Variants in TMEM14A observed in about 807,000 individuals in gnomAD.
The protein encoded by TMEM14A is transmembrane protein 14A.
TMEM14A carries 8 observed loss-of-function variants against 11.6 expected under a neutral mutation model. That is an observed-to-expected ratio of 0.69 (90% CI 0.40 to 1.24). The LOEUF is 1.24. Among genes scored for constraint, TMEM14A ranks in the 50% most tolerant of loss-of-function variants. The pLI, the probability that TMEM14A is intolerant of heterozygous loss-of-function variation, is 0.01. For missense variants in TMEM14A, 108 were observed against 121.9 expected, an observed-to-expected ratio of 0.89 and a Z score of 0.54; for synonymous variants, 34 against 45.5, an observed-to-expected ratio of 0.75 and a Z score of 1.02.
At chr6:52,683,232 G>A (rs936242625) in intron 3 of TMEM14A, among the ~76,000 whole-genome samples, 12 of 152,088 alleles carry the variant, frequency 7.9e-5, no homozygotes, top group Non-Finnish European at 1.2e-4. Flanking sequence ...GGCTGAGGCC[G>A]GTGGATCACT....
At chr6:52,677,374 T>G (rs1243932608) in intron 2 of TMEM14A, among the ~76,000 whole-genome samples, 1 of 152,192 alleles carries the variant, frequency 6.6e-6, no homozygotes, top group Non-Finnish European at 1.5e-5. Context: ...CTGGGGGTTC[T>G]GGGCCTCTCT....
intron 3 of TMEM14A, among the ~76,000 whole-genome samples, chr6:52,682,706 G>T (rs1028201258): frequency 1.3e-5 from 2 of 151,384 alleles, no homozygotes; most frequent in African/African-American, 4.9e-5. Flanking sequence ...TTATTGATAT[G>T]CATTTAAATA....
chr6:52,678,266 G>A (rs1561874173), intron 2 of TMEM14A, among the ~76,000 whole-genome samples: 1 of 151,924 alleles, frequency 6.6e-6, no homozygotes, highest in Non-Finnish European at 1.5e-5. Flanking sequence ...ATTTTTGCCT[G>A]CCTTTATGAG....
chr6:52,675,548 G>A (rs943716016), intron 1 of TMEM14A, among the ~76,000 whole-genome samples: 10 of 152,242 alleles, frequency 6.6e-5, no homozygotes, highest in Non-Finnish European at 1.5e-4. Context: ...AGAATTGTGG[G>A]CAGGGTTTCA....
At chr6:52,671,355 T>C (rs1769157326) in intron 1 of TMEM14A, 110 bp downstream of exon 1, 1 of 152,212 alleles carries the variant, frequency 6.6e-6, no homozygotes, top group Non-Finnish European at 1.5e-5. Flanking sequence ...GCGCCAAACC[T>C]GTACAGCAAA....
intron 2 of TMEM14A, among the ~76,000 whole-genome samples, chr6:52,680,125 A>G (rs923958453): frequency 1.3e-5 from 2 of 151,968 alleles, no homozygotes; most frequent in African/African-American, 4.8e-5. Flanking sequence ...GGAAACAGCA[A>G]TCGCTCACAA....
Position 52,686,169 on chromosome 6 carries a change from C to A in TMEM14A, c.*120C>A. 1.1e-6 allele frequency: 1 copy of A among 944,952 alleles called. No homozygotes were observed. The highest frequency in any genetic ancestry group is 1.5e-6 in the Non-Finnish European group (1 of 645,666). The allele number at this position is 944,952 out of a possible 1,614,324, so 58.5% of individuals were successfully genotyped here. A position where few individuals can be genotyped will look rare whatever the true frequency, so the allele number is the denominator to read the frequency against. On this transcript the variant is annotated 3_prime_UTR_variant, in exon 5 of 5. Transcript: ENST00000211314. The stretch of plus-strand genomic sequence containing the variant: ...ATGCTAGAAACACAAATAGCACTGT[C>A]ACCTCTAATATGAACATTAGTTTGA...
chr6:52,681,953 A>G (rs1769399463), intron 3 of TMEM14A, 39 bp downstream of exon 3: 8 of 1,545,742 alleles, frequency 5.2e-6, no homozygotes, highest in South Asian at 4.5e-5. Flanking sequence ...AGACTCAAAC[A>G]TTGGAGGTGA....
chr6:52,685,454 G>T (rs1314544513), intron 4 of TMEM14A, among the ~76,000 whole-genome samples: 1 of 152,014 alleles, frequency 6.6e-6, no homozygotes, highest in Non-Finnish European at 1.5e-5. Context: ...GTGTGGTGGC[G>T]GGCACCTGTA....
intron 1 of TMEM14A, among the ~76,000 whole-genome samples, chr6:52,673,072 G>A (rs1422062401): frequency 6.6e-6 from 1 of 152,252 alleles, no homozygotes; most frequent in East Asian, 1.9e-4. Context: ...TTAGGGCCTT[G>A]CACATGCGCT....
intron 3 of TMEM14A, among the ~76,000 whole-genome samples, chr6:52,683,030 T>G (rs1428330234): frequency 2.0e-5 from 3 of 152,246 alleles, no homozygotes; most frequent in Admixed American, 2.0e-4. Flanking sequence ...ACTATTTTCT[T>G]TATATTCAGT....
intron 2 of TMEM14A, among the ~76,000 whole-genome samples, chr6:52,679,286 C>G (rs1217432073): frequency 6.6e-6 from 1 of 152,152 alleles, no homozygotes; most frequent in African/African-American, 2.4e-5. Flanking sequence ...CAAGAAGATG[C>G]TATGATATGG....
intron 1 of TMEM14A, among the ~76,000 whole-genome samples, chr6:52,675,808 T>C (rs1022643326): frequency 6.6e-6 from 1 of 152,242 alleles, no homozygotes; most frequent in Non-Finnish European, 1.5e-5. Flanking sequence ...AGGACTAATA[T>C]CTGTACAGAC....
chr6:52,680,436 G>A lies in TMEM14A; in HGVS notation c.71-1377G>A, dbSNP rs182577923. On this transcript the variant is annotated intron_variant, in intron 2 of 4. Coordinates refer to ENST00000211314, the MANE Select transcript of TMEM14A (RefSeq NM_014051.4). ...GGATTATTTTTCCTAAGAGCTTTGG[G>A]AAGCACTAAGGTTTTTAATTAGGAG... 2.3e-3 allele frequency among the ~76,000 whole-genome samples: 348 copies of A among 151,190 alleles called. 1 individual carries two copies. The highest frequency in any genetic ancestry group is 8.1e-3 in the African/African-American group (335 of 41,224).
chr6:52,678,828 G>A (rs2670138), intron 2 of TMEM14A, among the ~76,000 whole-genome samples: 103,424 of 152,068 alleles, frequency 0.68, 37,206 homozygotes, highest in South Asian at 0.82. Flanking sequence ...CTGCCAGTGG[G>A]AGGTCTGTGA....
rs181710329 is a variant in TMEM14A at position 52,683,555 on chromosome 6, T to C, written c.173-523T>C. 5.3e-5 allele frequency among the ~76,000 whole-genome samples: 8 copies of C among 152,274 alleles called. No individual in the cohort carries two copies. In the East Asian group the frequency reaches 1.4e-3, roughly 26 times the overall value. On this transcript the variant is annotated intron_variant, in intron 3 of 4. Transcript: ENST00000211314. ...TTTCAGGAATGGATTTTAACATGTT[T>C]GTTTACCCAGAAACCTTTTCGGCGA...
intron 1 of TMEM14A, among the ~76,000 whole-genome samples, chr6:52,674,004 G>GT (rs1481735359): frequency 6.6e-6 from 1 of 152,162 alleles, no homozygotes; most frequent in African/African-American, 2.4e-5. Context: ...TGCAGGCACT[G>GT]TTCTAAGTGC....
chr6:52,684,348 C>G (rs937213937), intron 4 of TMEM14A, among the ~76,000 whole-genome samples, 183 bp downstream of exon 4: 7 of 152,186 alleles, frequency 4.6e-5, no homozygotes, highest in Non-Finnish European at 1.0e-4. Flanking sequence ...CATGAACATT[C>G]TTATTGGATA....
intron 2 of TMEM14A, 61 bp downstream of exon 2, chr6:52,677,233 T>A: frequency 6.4e-7 from 1 of 1,556,454 alleles, no homozygotes. Flanking sequence ...TTGTGCTAGG[T>A]CATGTGAGGC....
Sources: gnomAD v4.1 joint callset for allele counts (sites outside exome capture counted in the v4.1 genomes callset) on GRCh38, gnomAD v4.1.1 for gene constraint, MANE v1.5 for transcripts, NCBI Gene and HGNC (gene_info 2026-07-23, HGNC 2026-07-21) for gene names.